SCD5: variants seen among roughly 807,000 people sequenced by gnomAD.
The protein encoded by SCD5 is acyl-CoA-desaturase 4.
Under a neutral mutation model 30.4 loss-of-function variants are expected in SCD5, and 20 were observed. That is an observed-to-expected ratio of 0.66 (90% CI 0.46 to 0.96). SCD5 has a LOEUF of 0.96. Ranked by LOEUF, SCD5 falls within the 40% of genes least tolerant of loss-of-function variation. SCD5 has a pLI of 0.00. For missense variants in SCD5, 381 were observed against 443.3 expected (o/e 0.86, Z 1.26); for synonymous variants, 173 against 176.4 (o/e 0.98, Z 0.16).
At chr4:82,722,580 G>A (rs559176201) in intron 1 of SCD5, among the ~76,000 whole-genome samples, 4 of 152,036 alleles carry the variant, frequency 2.6e-5, no homozygotes, top group Admixed American at 1.3e-4. Flanking sequence ...CCTGGCCAAC[G>A]TGGTGAAACA....
In SCD5 at chr4:82,769,259, T is replaced by A. The variant is rs190966695; in HGVS notation, c.232+29047A>T. 2.9e-4 allele frequency among the ~76,000 whole-genome samples: 44 copies of A among 152,286 alleles called. 1 individual carries two copies. Among genetic ancestry groups the A allele is most frequent in the African/African-American group, 1.0e-3 (42 of 41,540 alleles). ...CTTTGTGATCCTCAGTTTGCTTAAC[T>A]ATAAAGTGGGGCTAGAGGAATCCCT... On this transcript the variant is annotated intron_variant, in intron 1 of 4. Transcript: ENST00000319540.
chr4:82,705,379 C>T lies in SCD5; in HGVS notation c.267G>A (p.Val89=). Residue 89 remains valine (V), a synonymous_variant, in exon 2 of 5, where the codon GTG becomes GTA. Coordinates refer to ENST00000319540, the MANE Select transcript of SCD5 (RefSeq NM_001037582.3). Reference sequence around the variant, plus strand: ...TCCACAAGCGATGGGCACCAGCTGTCACACCCAGAGCGGCCAGGAGGAAGC... The same window carrying T: ...TCCACAAGCGATGGGCACCAGCTGTTACACCCAGAGCGGCCAGGAGGAAGC... ...YFCFLLAALG[V]TAGAHRLWSH... 9 of 1,614,260 alleles carry T rather than the reference C, an allele frequency of 5.6e-6. No individual in the cohort carries two copies. Among genetic ancestry groups the T allele is most frequent in the Non-Finnish European group, 7.6e-6 (9 of 1,180,044 alleles).
At position 82,705,343 on chromosome 4, in the gene SCD5, G is replaced by A. The variant is rs2148827479; in HGVS notation, c.303C>T (p.Ser101=). The A allele has an allele frequency of 6.2e-7, 1 of 1,614,260 alleles. No individual in the cohort carries two copies. The highest frequency in any genetic ancestry group is 8.5e-7 in the Non-Finnish European group (1 of 1,180,042). The change falls in exon 2 of 5, where the codon TCC becomes TCT. Residue 101 remains serine (S), a synonymous_variant. Transcript: ENST00000319540. ...TCCTCAGAGGCAGCTTGGCCCGGTA[G>A]GACCTGTGGCTCCACAAGCGATGGG... ...AGAHRLWSHR[S]YRAKLPLRIF... is the part of the protein sequence containing the mutation.
chr4:82,740,016 T>A (rs1720839966), intron 1 of SCD5, among the ~76,000 whole-genome samples: 1 of 152,140 alleles, frequency 6.6e-6, no homozygotes, highest in Admixed American at 6.5e-5. Context: ...GTCTCAGCAA[T>A]CTGACCTGCC....
chr4:82,648,659 T>G (rs906662450), intron 3 of SCD5, among the ~76,000 whole-genome samples: 1 of 152,208 alleles, frequency 6.6e-6, no homozygotes, highest in Non-Finnish European at 1.5e-5. Context: ...GGCCCATCCC[T>G]TAATTTCAGG....
intron 2 of SCD5, among the ~76,000 whole-genome samples, chr4:82,696,735 G>C (rs1302072546): frequency 6.6e-6 from 1 of 152,180 alleles, no homozygotes; most frequent in Non-Finnish European, 1.5e-5. Flanking sequence ...GGGAAACCTA[G>C]AAAGCAGCAG....
intron 1 of SCD5, among the ~76,000 whole-genome samples, chr4:82,708,645 C>T (rs147276576): frequency 6.6e-6 from 1 of 152,310 alleles, no homozygotes; most frequent in East Asian, 1.9e-4. Context: ...AAGGCACAAC[C>T]TCCTATCTGT....
intron 1 of SCD5, among the ~76,000 whole-genome samples, chr4:82,765,890 G>T (rs1398443382): frequency 6.6e-6 from 1 of 152,150 alleles, no homozygotes; most frequent in Non-Finnish European, 1.5e-5. Context: ...AAAGTGCTGG[G>T]ATTACAGGGA....
At chr4:82,657,044 G>C (rs1448146899) in intron 3 of SCD5, among the ~76,000 whole-genome samples, 1 of 152,060 alleles carries the variant, frequency 6.6e-6, no homozygotes, top group Non-Finnish European at 1.5e-5. Context: ...CCATTCTGTA[G>C]GTTTCCTGTT....
At chr4:82,655,201 G>C (rs1727844147) in intron 3 of SCD5, among the ~76,000 whole-genome samples, 1 of 152,164 alleles carries the variant, frequency 6.6e-6, no homozygotes, top group Non-Finnish European at 1.5e-5. Context: ...TAAATTACAA[G>C]ATATATAAAG....
At chr4:82,707,788 C>T (rs1397412034) in intron 1 of SCD5, among the ~76,000 whole-genome samples, 1 of 152,202 alleles carries the variant, frequency 6.6e-6, no homozygotes, top group East Asian at 1.9e-4. Flanking sequence ...CTCAGTTGAG[C>T]CTTCAGGCAA....
intron 1 of SCD5, among the ~76,000 whole-genome samples, chr4:82,793,528 G>T (rs1722142936): frequency 6.6e-6 from 1 of 152,210 alleles, no homozygotes; most frequent in Non-Finnish European, 1.5e-5. Flanking sequence ...CTATGCAAGA[G>T]AGGCTGTGAA....
chr4:82,726,023 G>A (rs533324856), intron 1 of SCD5, among the ~76,000 whole-genome samples: 2 of 152,302 alleles, frequency 1.3e-5, no homozygotes, highest in South Asian at 2.1e-4. Flanking sequence ...CTCAGAGGCC[G>A]CAGAGGCTCT....
At chr4:82,720,238 G>A (rs74587523) in intron 1 of SCD5, among the ~76,000 whole-genome samples, 7,243 of 151,634 alleles carry the variant, frequency 0.048, 575 homozygotes, top group African/African-American at 0.16. Flanking sequence ...GACCAGCTTG[G>A]GCAACATAGT....
At chr4:82,683,904 G>A (rs1728635111) in intron 2 of SCD5, among the ~76,000 whole-genome samples, 1 of 152,170 alleles carries the variant, frequency 6.6e-6, no homozygotes, top group African/African-American at 2.4e-5. Flanking sequence ...GCAGAACTGT[G>A]AGTCAATTAA....
At chr4:82,757,473 T>G (rs779651991) in intron 1 of SCD5, among the ~76,000 whole-genome samples, 1 of 152,176 alleles carries the variant, frequency 6.6e-6, no homozygotes, top group Admixed American at 6.5e-5. Flanking sequence ...ATTGCCCCCG[T>G]GAGGGAGGTC....
At chr4:82,742,208 A>T (rs969911649) in intron 1 of SCD5, among the ~76,000 whole-genome samples, 1 of 152,182 alleles carries the variant, frequency 6.6e-6, no homozygotes, top group African/African-American at 2.4e-5. Flanking sequence ...GCAGACATTC[A>T]GGTCCCAGAG....
intron 1 of SCD5, among the ~76,000 whole-genome samples, chr4:82,795,809 CAAAAAAAAA>C (rs72115040): frequency 1.4e-4 from 6 of 43,902 alleles, no homozygotes; most frequent in Admixed American, 3.3e-4. Flanking sequence ...CCCTGTCTCA[CAAAAAAAAA>C]AAAAAAAAAA....
chr4:82,782,079 G>A (rs968455179), intron 1 of SCD5, among the ~76,000 whole-genome samples: 2 of 150,684 alleles, frequency 1.3e-5, no homozygotes, highest in African/African-American at 4.9e-5. Flanking sequence ...ACTTACAAAG[G>A]ACCCTCCTAT....
Sources: gnomAD v4.1 joint callset for allele counts (sites outside exome capture counted in the v4.1 genomes callset) on GRCh38, gnomAD v4.1.1 for gene constraint, MANE v1.5 for transcripts, NCBI Gene and HGNC (gene_info 2026-07-23, HGNC 2026-07-21) for gene names.